PTBP2: variants seen among roughly 807,000 people sequenced by gnomAD.
The protein encoded by PTBP2 is polypyrimidine tract-binding protein 2.
Under a neutral mutation model 61.4 loss-of-function variants are expected in PTBP2, and 13 were observed. That is an observed-to-expected ratio of 0.21 (90% CI 0.14 to 0.34). The LOEUF is 0.34. Among genes scored for constraint, PTBP2 ranks in the 10% least tolerant of loss-of-function variants. The pLI, the probability that PTBP2 is intolerant of heterozygous loss-of-function variation, is 1.00. For missense variants in PTBP2, 405 were observed against 642.6 expected (o/e 0.63, Z 4.00); for synonymous variants, 215 against 218.5 (o/e 0.98, Z 0.14).
At position 96,766,833 on chromosome 1, in the gene PTBP2, G is replaced by A. The variant is rs921796086; in HGVS notation, c.116-2870G>A. On this transcript the variant is annotated intron_variant, in intron 3 of 13. Coordinates refer to ENST00000674951, the MANE Select transcript of PTBP2 (RefSeq NM_021190.4). Reference sequence around the variant, plus strand: ...CAGATCTTTTTTAGGCAACCTGTATGTAATGTAATGTTTGTTTTTGAGATC... The same window carrying A: ...CAGATCTTTTTTAGGCAACCTGTATATAATGTAATGTTTGTTTTTGAGATC... 7.2e-5 allele frequency among the ~76,000 whole-genome samples: 11 copies of A among 152,100 alleles called. 1 individual carries two copies. Among genetic ancestry groups the A allele is most frequent in the Admixed American group, 4.6e-4 (7 of 15,272 alleles).
At chr1:96,774,840 T>C (rs750101885) in intron 5 of PTBP2, among the ~76,000 whole-genome samples, 1 of 152,196 alleles carries the variant, frequency 6.6e-6, no homozygotes, top group Non-Finnish European at 1.5e-5. Context: ...CTTACTACTT[T>C]TTGTCTTGTC....
At chr1:96,744,991 CA>C (rs937648712) in intron 2 of PTBP2, among the ~76,000 whole-genome samples, 1 of 152,062 alleles carries the variant, frequency 6.6e-6, no homozygotes, top group Admixed American at 6.6e-5. Flanking sequence ...TTTTGGGTGA[CA>C]AAATACCTGA....
In PTBP2 at chr1:96,731,182, CAT is replaced by C. The variant is rs536251010; in HGVS notation, c.39+7589_39+7590del. Among the ~76,000 whole-genome samples, 24 of 152,228 alleles carry C rather than the reference CAT, an allele frequency of 1.6e-4. No individual in the cohort carries two copies. The South Asian group carries it at 2.9e-3, about 18-fold the overall frequency. On this transcript the variant is annotated intron_variant, in intron 2 of 13. Coordinates refer to ENST00000674951, the MANE Select transcript of PTBP2 (RefSeq NM_021190.4). ...GTTTGATTCCAGTTTGTTGTTATAA[CAT>C]GTGGACATATTTAGAATAGAAGTAA...
At chr1:96,735,655 C>T (rs1652059584) in intron 2 of PTBP2, among the ~76,000 whole-genome samples, 1 of 152,034 alleles carries the variant, frequency 6.6e-6, no homozygotes, top group Admixed American at 6.6e-5. Context: ...TAGCCTCAGA[C>T]AGCACTAAAT....
chr1:96,765,494 T>G (rs1388770125), intron 3 of PTBP2, among the ~76,000 whole-genome samples: 1 of 152,138 alleles, frequency 6.6e-6, no homozygotes, highest in African/African-American at 2.4e-5. Context: ...GTGGATCACT[T>G]GAGGCCAGGA....
chr1:96,726,121 C>T (rs1035580492), intron 2 of PTBP2, among the ~76,000 whole-genome samples: 8 of 136,680 alleles, frequency 5.9e-5, no homozygotes, highest in Admixed American at 2.2e-4. Context: ...ATTCAAACTG[C>T]TTCACAGCTT....
chr1:96,751,227 A>G, intron 2 of PTBP2, 198 bp from the exon 3 acceptor site: 1 of 659,464 alleles, frequency 1.5e-6, no homozygotes, highest in African/African-American at 1.8e-5. Context: ...TAAAGAAGGG[A>G]AGGGAACACT....
intron 2 of PTBP2, among the ~76,000 whole-genome samples, chr1:96,725,125 G>T (rs575955531): frequency 6.6e-6 from 1 of 152,212 alleles, no homozygotes; most frequent in Non-Finnish European, 1.5e-5. Context: ...GATGTTGTAG[G>T]TTCCATCCAA....
chr1:96,805,917 A>G (rs774687532), intron 9 of PTBP2, among the ~76,000 whole-genome samples: 5 of 152,202 alleles, frequency 3.3e-5, no homozygotes, highest in Non-Finnish European at 5.9e-5. Flanking sequence ...ACTCTTTGAT[A>G]TAGATGTACT....
intron 2 of PTBP2, among the ~76,000 whole-genome samples, chr1:96,724,551 C>T (rs538437487): frequency 2.0e-5 from 3 of 152,152 alleles, no homozygotes; most frequent in East Asian, 1.9e-4. Context: ...AAGTGTGAGC[C>T]ACCGTGCCCG....
chr1:96,813,479 G>A lies in PTBP2; in HGVS notation c.*74G>A. ...ACCTATTTGACTGTTCAGAAAAGTG[G>A]GGACCAGAGTTTGATTTTTTTTGTT... On this transcript the variant is annotated 3_prime_UTR_variant, in exon 14 of 14. Transcript: ENST00000674951. The A allele has an allele frequency of 3.0e-6, 4 of 1,323,066 alleles. No homozygotes were observed. Among genetic ancestry groups the A allele is most frequent in the South Asian group, 2.1e-5 (1 of 48,690 alleles). The allele number at this position is 1,323,066 out of a possible 1,614,324, so 82.0% of individuals were successfully genotyped here.
intron 5 of PTBP2, among the ~76,000 whole-genome samples, chr1:96,776,995 C>T (rs1175972730): frequency 1.3e-5 from 2 of 151,902 alleles, no homozygotes; most frequent in African/African-American, 4.8e-5. Flanking sequence ...GGGAAATATT[C>T]TTCATATTAT....
At chr1:96,757,380 A>G (rs1388782887) in intron 3 of PTBP2, among the ~76,000 whole-genome samples, 1 of 152,246 alleles carries the variant, frequency 6.6e-6, no homozygotes, top group Non-Finnish European at 1.5e-5. Context: ...CACAATGTTG[A>G]AGGGTCAGTT....
chr1:96,725,207 G>A (rs1650231865), intron 2 of PTBP2, among the ~76,000 whole-genome samples: 1 of 152,104 alleles, frequency 6.6e-6, no homozygotes. Context: ...TGGAAAAGGA[G>A]AGGAGTTTGT....
intron 7 of PTBP2, among the ~76,000 whole-genome samples, chr1:96,781,311 G>A (rs1030698449): frequency 2.4e-4 from 36 of 151,708 alleles, no homozygotes; most frequent in African/African-American, 7.5e-4. Flanking sequence ...TCATCTCAAC[G>A]TCAAGTCATA....
intron 8 of PTBP2, among the ~76,000 whole-genome samples, chr1:96,802,211 GAAA>G (rs5776325): frequency 7.4e-5 from 4 of 54,008 alleles, no homozygotes; most frequent in South Asian, 1.9e-3. Flanking sequence ...ACTCCGTCTC[GAAA>G]AAAAAAAAAA....
intron 8 of PTBP2, among the ~76,000 whole-genome samples, chr1:96,799,860 T>C (rs1660796956): frequency 1.3e-5 from 2 of 152,180 alleles, no homozygotes; most frequent in Non-Finnish European, 2.9e-5. Flanking sequence ...AGCATTTAGA[T>C]TAAACCTAAA....
chr1:96,787,659 CATTT>C (rs1423436969), intron 8 of PTBP2, among the ~76,000 whole-genome samples: 2 of 152,040 alleles, frequency 1.3e-5, no homozygotes, highest in African/African-American at 4.8e-5. Flanking sequence ...AAGAGATAAC[CATTT>C]ATTTTCATAT....
At chr1:96,809,176 A>G (rs1661790661) in intron 11 of PTBP2, among the ~76,000 whole-genome samples, 1 of 152,184 alleles carries the variant, frequency 6.6e-6, no homozygotes, top group African/African-American at 2.4e-5. Flanking sequence ...CAAATCTATT[A>G]TAGTGGTGGA....
Sources: allele counts gnomAD v4.1 joint callset (sites outside exome capture counted in the v4.1 genomes callset), GRCh38; gene constraint gnomAD v4.1.1; transcripts MANE v1.5; gene names NCBI Gene and HGNC (gene_info 2026-07-23, HGNC 2026-07-21).